CLVS1: variants seen among roughly 807,000 people sequenced by gnomAD.
CLVS1 encodes clavesin 1.
CLVS1 carries 10 observed loss-of-function variants against 33.1 expected under a neutral mutation model. That is an observed-to-expected ratio of 0.30 (90% confidence interval 0.19 to 0.51). The LOEUF is 0.51. CLVS1 is among the 20% of genes least tolerant of loss of function. The pLI is 0.97. For synonymous variants in CLVS1, 163 were observed against 166.1 expected, an observed-to-expected ratio of 0.98 and a Z score of 0.14; for missense variants, 343 against 433.4, an observed-to-expected ratio of 0.79 and a Z score of 1.85.
intron 2 of CLVS1, among the ~76,000 whole-genome samples, chr8:61,233,523 A>C (rs1808489943): frequency 6.7e-6 from 1 of 150,066 alleles, no homozygotes; most frequent in Non-Finnish European, 1.5e-5. Context: ...AAAAAAAAAA[A>C]AGAAAGAAAA....
intron 5 of CLVS1, among the ~76,000 whole-genome samples, chr8:61,476,200 C>T (rs1031952362): frequency 1.3e-5 from 2 of 152,158 alleles, no homozygotes; most frequent in African/African-American, 4.8e-5. Flanking sequence ...GTTACTGTAG[C>T]CTTGTAGCAT....
intron 2 of CLVS1, among the ~76,000 whole-genome samples, chr8:61,250,876 C>T (rs187469155): frequency 6.0e-4 from 91 of 152,294 alleles, no homozygotes; most frequent in African/African-American, 1.8e-3. Context: ...GACAATTTGT[C>T]TTCCTCTCTT....
At position 61,461,003 on chromosome 8, in the gene CLVS1, G is replaced by A. The variant is rs539857407; in HGVS notation, c.977+2461G>A. ...TGAGCACAATGGTTTTGGCACCCAAGTGGAAAGTTTGCTCAACTTTAATTT... is the reference window on the plus strand; with the variant it reads ...TGAGCACAATGGTTTTGGCACCCAAATGGAAAGTTTGCTCAACTTTAATTT... On this transcript the variant is annotated intron_variant, in intron 5 of 5. Coordinates refer to ENST00000325897, the MANE Select transcript of CLVS1 (RefSeq NM_173519.3). 3.0e-4 allele frequency among the ~76,000 whole-genome samples: 46 copies of A among 152,348 alleles called. No individual in the cohort carries two copies. In the South Asian group the frequency reaches 9.3e-3, roughly 31 times the overall value.
intron 1 of CLVS1, among the ~76,000 whole-genome samples, chr8:61,096,732 C>A (rs1294172899): frequency 6.6e-6 from 1 of 152,130 alleles, no homozygotes; most frequent in Non-Finnish European, 1.5e-5. Flanking sequence ...GAAGAGAAAG[C>A]AGATTCCCTC....
At chr8:61,215,909 C>T (rs1808075095) in intron 2 of CLVS1, among the ~76,000 whole-genome samples, 1 of 152,126 alleles carries the variant, frequency 6.6e-6, no homozygotes, top group South Asian at 2.1e-4. Context: ...CATTCCACCC[C>T]TTGTTCAATC....
the CLVS1 span, chr8:60,966,687 T>G: frequency 9.3e-6 from 2 of 215,330 alleles, no homozygotes; most frequent in African/African-American, 4.5e-5. Context: ...ATGCAGCAGC[T>G]GAAGTAATGA....
intron 2 of CLVS1, among the ~76,000 whole-genome samples, chr8:61,181,697 C>CTTTTTTTTTTTTT (rs369025438): frequency 9.7e-5 from 10 of 103,196 alleles, no homozygotes; most frequent in Non-Finnish European, 1.5e-4. Context: ...ACCATCTGAT[C>CTTTTTTTTTTTTT]TTTTTTTTTT....
At chr8:61,270,339 C>T (rs1365796279) in intron 2 of CLVS1, among the ~76,000 whole-genome samples, 3 of 152,148 alleles carry the variant, frequency 2.0e-5, no homozygotes, top group Non-Finnish European at 4.4e-5. Context: ...TATATTGAAC[C>T]AGCCTTGCAT....
chr8:61,448,207 A>T (rs1252114939), intron 3 of CLVS1, among the ~76,000 whole-genome samples: 1 of 151,918 alleles, frequency 6.6e-6, no homozygotes, highest in Non-Finnish European at 1.5e-5. Context: ...TATAATTATG[A>T]TATGTCTTGG....
At chr8:61,026,276 G>A in the CLVS1 span, among the ~76,000 whole-genome samples, 1 of 152,168 alleles carries the variant, frequency 6.6e-6, no homozygotes, top group African/African-American at 2.4e-5. Flanking sequence ...AAGCCAAGGA[G>A]AGAGGCCTGG....
chr8:61,088,893 C>T (rs1805178256), intron 1 of CLVS1, among the ~76,000 whole-genome samples: 1 of 151,794 alleles, frequency 6.6e-6, no homozygotes. Context: ...GCTCCGCCTC[C>T]TGGGTTCACG....
chr8:61,329,881 C>A (rs1811529338), intron 2 of CLVS1, among the ~76,000 whole-genome samples: 1 of 152,130 alleles, frequency 6.6e-6, no homozygotes, highest in Admixed American at 6.5e-5. Flanking sequence ...GCTCTATGCA[C>A]CCAGTACTGC....
At chr8:61,405,381 CCATTACACAAGGG>C (rs1428161991) in intron 3 of CLVS1, among the ~76,000 whole-genome samples, 2 of 152,144 alleles carry the variant, frequency 1.3e-5, no homozygotes, top group Admixed American at 6.5e-5. Flanking sequence ...CCAATTCAAG[CCATTACACAAGGG>C]CATTTCTGCA....
chr8:61,319,256 G>A (rs1448331845), intron 2 of CLVS1, among the ~76,000 whole-genome samples: 1 of 152,082 alleles, frequency 6.6e-6, no homozygotes, highest in East Asian at 1.9e-4. Flanking sequence ...TTACCTTTCT[G>A]TGGCCTCACT....
chr8:61,247,681 G>T (rs1440730861), intron 2 of CLVS1, among the ~76,000 whole-genome samples: 1 of 152,114 alleles, frequency 6.6e-6, no homozygotes, highest in Middle Eastern at 3.4e-3. Flanking sequence ...TTCCTTATAG[G>T]TGCTGGATAT....
the CLVS1 span, among the ~76,000 whole-genome samples, chr8:61,023,689 C>T: frequency 6.6e-6 from 1 of 152,208 alleles, no homozygotes; most frequent in African/African-American, 2.4e-5. Context: ...GCGCCATCTA[C>T]CGGCTGTTTT....
chr8:61,253,294 T>G (rs1019966742), intron 2 of CLVS1, among the ~76,000 whole-genome samples: 16 of 152,234 alleles, frequency 1.1e-4, no homozygotes, highest in African/African-American at 3.9e-4. Flanking sequence ...AGATCAGCTG[T>G]TAGTCTGATG....
In CLVS1 at chr8:61,123,271, A is replaced by AAATAATAATAATAATAAT. The variant is rs58959777; in HGVS notation, c.-242-8490_-242-8473dup. ...GAAACAAGAGTGAAACTCTGTCTCAAAATAATAATAATAATAATAATAATA... is the reference window on the plus strand; with the variant it reads ...GAAACAAGAGTGAAACTCTGTCTCAAAATAATAATAATAATAATAATAATAATAATAATAATAATAATA... On this transcript the variant is annotated intron_variant, in intron 1 of 2. Transcript: ENST00000522621. Among the ~76,000 whole-genome samples the AAATAATAATAATAATAAT allele has an allele frequency of 2.5e-4, 37 of 146,868 alleles. 2 individuals are homozygous for AAATAATAATAATAATAAT. Among genetic ancestry groups the AAATAATAATAATAATAAT allele is most frequent in the Admixed American group, 2.8e-4 (4 of 14,172 alleles).
chr8:61,367,243 A>G (rs1301913124), intron 2 of CLVS1, among the ~76,000 whole-genome samples: 3 of 152,176 alleles, frequency 2.0e-5, no homozygotes, highest in East Asian at 1.9e-4. Context: ...CTTCATCAGC[A>G]TAACAGTCAG....
Sources: allele counts gnomAD v4.1 joint callset (sites outside exome capture counted in the v4.1 genomes callset), GRCh38; gene constraint gnomAD v4.1.1; transcripts MANE v1.5; gene names NCBI Gene and HGNC (gene_info 2026-07-23, HGNC 2026-07-21).